The following LAMA3 variants were observed in gnomAD, a reference collection of about 807,000 sequenced individuals.
The protein encoded by LAMA3 is laminin subunit alpha-3.
In LAMA3, 281 loss-of-function variants were observed where a neutral mutation model predicts 402.0. The observed-to-expected ratio is 0.70, with a 90% confidence interval of 0.63 to 0.77. The LOEUF (loss-of-function observed/expected upper bound fraction) is 0.77, where lower values mean the gene tolerates loss of function less well. Among genes scored for constraint, LAMA3 ranks in the 30% least tolerant of loss-of-function variants. The pLI is 0.00. For missense variants in LAMA3, 3,840 were observed against 4,215.5 expected (o/e 0.91, Z 2.47); for synonymous variants, 1,431 against 1,558.4 (o/e 0.92, Z 1.93).
intron 8 of LAMA3, among the ~76,000 whole-genome samples, chr18:23,764,954 A>G (rs2143766401): frequency 6.6e-6 from 1 of 152,286 alleles, no homozygotes; most frequent in South Asian, 2.1e-4. Flanking sequence ...AGGTGTTCAT[A>G]TGATAAACTA....
Position 23,837,016 on chromosome 18 carries a change from G to A in LAMA3, c.3020G>A (p.Ser1007Asn). The stretch of plus-strand genomic sequence containing the variant: ...CGGAGTGCTGTGATTGATCACATGA[G>A]CCGCATCGCCATGTATGAGCTATTG... The part of the protein sequence containing the change: ...LCRSAVIDHM[S>N]RIAMYELLAD... The change falls in exon 25 of 75, where the codon AGC becomes AAC. Residue 1007 changes from serine to asparagine, a missense_variant. Ser to Asn is a conservative substitution (Grantham distance 46). Around this residue, in one of 3 missense-constraint regions of LAMA3, gnomAD observed 2,109 missense variants for 2,376.0 expected, o/e 0.89. Transcript: ENST00000313654. 1 of 1,614,004 alleles carries A rather than the reference G, an allele frequency of 6.2e-7. No individual in the cohort carries two copies. The highest frequency in any genetic ancestry group is 1.7e-5 in the Admixed American group (1 of 60,020).
chr18:23,803,297 T>C (rs1373518106), intron 12 of LAMA3, among the ~76,000 whole-genome samples: 1 of 152,162 alleles, frequency 6.6e-6, no homozygotes, highest in Admixed American at 6.5e-5. Flanking sequence ...GGACTTGGTA[T>C]TGGTCTCTGC....
intron 7 of LAMA3, among the ~76,000 whole-genome samples, chr18:23,761,449 T>C (rs931350475): frequency 2.0e-5 from 3 of 152,238 alleles, no homozygotes; most frequent in Non-Finnish European, 4.4e-5. Context: ...AAAGACAGGT[T>C]GGAATTTCGC....
Position 23,808,825 on chromosome 18 carries a change from G to T in LAMA3, c.1604-1541G>T, listed in dbSNP as rs114289400. ...CAGAGAATGAAAATAACATGGTCTC[G>T]TCCCTGTGGGGGCCCCATGCGCCAA... On this transcript the variant is annotated intron_variant, in intron 12 of 74. Transcript: ENST00000313654. Among the ~76,000 whole-genome samples, 595 of 152,230 alleles carry T rather than the reference G, an allele frequency of 3.9e-3. 3 individuals are homozygous for T. Among genetic ancestry groups the T allele is most frequent in the African/African-American group, 0.014 (563 of 41,530 alleles).
intron 12 of LAMA3, among the ~76,000 whole-genome samples, chr18:23,792,738 A>G (rs2062684136): frequency 6.6e-6 from 1 of 152,138 alleles, no homozygotes; most frequent in African/African-American, 2.4e-5. Context: ...CGCATTGGGA[A>G]TGGCCTGTAC....
chr18:23,951,121 G>T (rs569632809), intron 72 of LAMA3, among the ~76,000 whole-genome samples: 1 of 152,314 alleles, frequency 6.6e-6, no homozygotes, highest in Admixed American at 6.5e-5. Flanking sequence ...ACTCTTGGAA[G>T]ATCCTGGAGG....
At chr18:23,792,289 G>A (rs1046547790) in intron 12 of LAMA3, among the ~76,000 whole-genome samples, 2 of 152,162 alleles carry the variant, frequency 1.3e-5, no homozygotes, top group Non-Finnish European at 2.9e-5. Context: ...CTGCGGGCTG[G>A]GAACTTCAAG....
At chr18:23,900,690 A>C (rs2081042643) in intron 47 of LAMA3, among the ~76,000 whole-genome samples, 1 of 152,230 alleles carries the variant, frequency 6.6e-6, no homozygotes, top group Non-Finnish European at 1.5e-5. Flanking sequence ...ATCAGTGGTT[A>C]ATATACAGAT....
chr18:23,696,780 G>A (rs567954932), intron 1 of LAMA3, among the ~76,000 whole-genome samples: 12 of 152,336 alleles, frequency 7.9e-5, no homozygotes, highest in South Asian at 2.1e-4. Flanking sequence ...GATTGCAGGC[G>A]TGAGCCACTG....
intron 36 of LAMA3, among the ~76,000 whole-genome samples, 191 bp downstream of exon 36, chr18:23,865,074 T>C (rs2064321928): frequency 1.3e-5 from 2 of 151,866 alleles, no homozygotes; most frequent in African/African-American, 2.4e-5. Flanking sequence ...GACCAAATGT[T>C]GTCTGTCTTC....
At chr18:23,851,550 C>T (rs1598920939) in intron 32 of LAMA3, among the ~76,000 whole-genome samples, 1 of 152,164 alleles carries the variant, frequency 6.6e-6, no homozygotes. Context: ...CTGAAAGCAG[C>T]GCCTGATACA....
chr18:23,930,361 T>C (rs2082126830), intron 64 of LAMA3, among the ~76,000 whole-genome samples: 1 of 152,232 alleles, frequency 6.6e-6, no homozygotes, highest in Admixed American at 6.5e-5. Context: ...AATATTCTTA[T>C]ATTAAAAATT....
At chr18:23,768,829 C>A (rs2062133935) in intron 8 of LAMA3, among the ~76,000 whole-genome samples, 1 of 152,008 alleles carries the variant, frequency 6.6e-6, no homozygotes, top group African/African-American at 2.4e-5. Flanking sequence ...GAAATCATAC[C>A]CTTTGCAGCA....
intron 19 of LAMA3, 39 bp from the exon 20 acceptor site, chr18:23,822,213 A>AT (rs1423414058): frequency 5.0e-6 from 8 of 1,612,298 alleles, no homozygotes; most frequent in Admixed American, 1.7e-5. Flanking sequence ...TCTTTTAACC[A>AT]TTTTTTTCTA....
At chr18:23,851,450 T>C (rs903920731) in intron 32 of LAMA3, among the ~76,000 whole-genome samples, 2 of 152,178 alleles carry the variant, frequency 1.3e-5, no homozygotes, top group African/African-American at 2.4e-5. Context: ...CTCAGGTATA[T>C]TACTTCTGTC....
At chr18:23,926,646 G>C (rs2082010582) in intron 62 of LAMA3, among the ~76,000 whole-genome samples, 1 of 152,200 alleles carries the variant, frequency 6.6e-6, no homozygotes, top group African/African-American at 2.4e-5. Context: ...TAGGGATTTA[G>C]AATGAAATCA....
intron 41 of LAMA3, among the ~76,000 whole-genome samples, chr18:23,885,264 A>G (rs1175096266): frequency 6.6e-6 from 1 of 151,266 alleles, no homozygotes; most frequent in Non-Finnish European, 1.5e-5. Context: ...ACCTGTACAC[A>G]TGTACAACTG....
Position 23,777,605 on chromosome 18 carries a change from C to G in LAMA3, c.1454C>G (p.Ala485Gly), listed in dbSNP as rs373956896. ...ACACCAAGTTCAGAAGATCCAGTAG[C>G]TGGAGATATAAAAGGCAAGTAACCT... ...VSTPSSEDPV[A>G]GDIKGCDCNL... The change falls in exon 11 of 75, where the codon GCT becomes GGT. Residue 485 changes from alanine to glycine, a missense_variant. Physicochemically the swap from Ala to Gly is moderately conservative, Grantham distance 60. Coordinates refer to ENST00000313654, the MANE Select transcript of LAMA3 (RefSeq NM_198129.4). 3.8e-5 allele frequency: 61 copies of G among 1,611,370 alleles called. No homozygotes were observed. In the African/African-American group the frequency reaches 7.1e-4, roughly 19 times the overall value.
chr18:23,827,459 G>A lies in LAMA3; in HGVS notation c.2815G>A (p.Gly939Arg), dbSNP rs1030937717. ...PAHPVMVDLSGREVELHLRLR... is the reference protein window; with the variant it reads ...PAHPVMVDLSRREVELHLRLR... ...ACACCCTGTCATGGTGGACCTCAGCGGGAGAGAGGTGGGCCAGCCTTTTAT... is the reference window on the plus strand; with the variant it reads ...ACACCCTGTCATGGTGGACCTCAGCAGGAGAGAGGTGGGCCAGCCTTTTAT... The change falls in exon 23 of 75, where the codon GGG (glycine) becomes AGG (arginine). Residue 939 changes from glycine to arginine, a missense_variant. Gly to Arg is a moderately radical substitution (Grantham distance 125, BLOSUM62 -2). Transcript: ENST00000313654. 30 of 1,613,980 alleles carry A rather than the reference G, an allele frequency of 1.9e-5. No homozygotes were observed. The highest frequency in any genetic ancestry group is 2.5e-5 in the Non-Finnish European group (29 of 1,180,044).
Sources: allele counts gnomAD v4.1 joint callset (sites outside exome capture counted in the v4.1 genomes callset), GRCh38; gene constraint gnomAD v4.1.1; regional missense constraint gnomAD v4.1.1; transcripts MANE v1.5; gene names NCBI Gene and HGNC (gene_info 2026-07-23, HGNC 2026-07-21).